Variants in CCDC117 observed in about 807,000 individuals in gnomAD.
CCDC117 encodes coiled-coil domain-containing protein 117.
In CCDC117, 1 loss-of-function variant was observed where a neutral mutation model predicts 23.5. That is an observed-to-expected ratio of 0.04 (90% CI 0.02 to 0.20). CCDC117 has a LOEUF of 0.20. CCDC117 is among the 10% of genes least tolerant of loss of function. CCDC117 has a pLI of 1.00. For missense variants in CCDC117, 383 were observed against 348.2 expected (o/e 1.10, Z -0.80); for synonymous variants, 132 against 124.8 (o/e 1.06, Z -0.39).
Position 28,783,546 on chromosome 22 carries a change from A to G in CCDC117, c.503A>G (p.Asn168Ser), listed in dbSNP as rs1421736500. The G allele has an allele frequency of 1.2e-6, 2 of 1,613,760 alleles. No individual in the cohort carries two copies. Among genetic ancestry groups the G allele is most frequent in the Non-Finnish European group, 1.7e-6 (2 of 1,179,896 alleles). The change falls in exon 4 of 5, where the codon AAT (asparagine) becomes AGT (serine). Residue 168 changes from asparagine to serine, a missense_variant. Coordinates refer to ENST00000249064, the MANE Select transcript of CCDC117 (RefSeq NM_173510.4). The stretch of plus-strand genomic sequence containing the variant: ...GATGAAGAAGTTGAAGCTGACAGAA[A>G]TGTTAACCATCTCCCCAGTCTTGTC... ...DEDEEVEADRNVNHLPSLVLS... is the reference protein window; with the variant it reads ...DEDEEVEADRSVNHLPSLVLS...
At chr22:28,782,623 A>C (rs1013575544) in intron 3 of CCDC117, among the ~76,000 whole-genome samples, 4 of 151,636 alleles carry the variant, frequency 2.6e-5, no homozygotes, top group Admixed American at 6.6e-5. Context: ...ATTTTTAGTA[A>C]AGATGGGGTT....
At chr22:28,777,275 C>G (rs549105889) in intron 2 of CCDC117, among the ~76,000 whole-genome samples, 1 of 151,594 alleles carries the variant, frequency 6.6e-6, no homozygotes, top group Non-Finnish European at 1.5e-5. Flanking sequence ...TTCGCTCGCC[C>G]GCTGGCCCTG....
intron 4 of CCDC117, among the ~76,000 whole-genome samples, chr22:28,785,835 ATTGC>A (rs1232019607): frequency 6.6e-6 from 1 of 151,224 alleles, no homozygotes; most frequent in Non-Finnish European, 1.5e-5. Flanking sequence ...AAGTGGGTAG[ATTGC>A]TTGACCCCAG....
Position 28,772,933 on chromosome 22 carries a change from C to T in CCDC117, c.84C>T (p.Pro28=), listed in dbSNP as rs1375405566. Residue 28 remains proline, a synonymous_variant, in exon 1 of 5, where the codon CCC becomes CCT. Transcript: ENST00000249064. ...DFLQPPQPAF[P]GRAFPPGADG... Reference sequence around the variant, plus strand: ...TGCAGCCGCCGCAGCCGGCCTTCCCCGGCCGGGCCTTCCCGCCGGGGGCTG... The same window carrying T: ...TGCAGCCGCCGCAGCCGGCCTTCCCTGGCCGGGCCTTCCCGCCGGGGGCTG... 8.2e-7 allele frequency: 1 copy of T among 1,221,740 alleles called. No individual in the cohort carries two copies. Among genetic ancestry groups the T allele is most frequent in the Non-Finnish European group, 1.0e-6 (1 of 981,274 alleles). 75.7% of individuals were successfully genotyped at this position (1,221,740 alleles called of 1,614,324 possible). A position where few individuals can be genotyped will look rare whatever the true frequency, so the allele number is the denominator to read the frequency against.
At position 28,772,918 on chromosome 22, in the gene CCDC117, G is replaced by A. The variant is rs1041119219; in HGVS notation, c.69G>A (p.Pro23=). The part of the protein sequence containing the change: ...LSGGSDFLQP[P]QPAFPGRAFP... ...GCGGCTCGGACTTCCTGCAGCCGCC[G>A]CAGCCGGCCTTCCCCGGCCGGGCCT... The change falls in exon 1 of 5, where the codon CCG becomes CCA. Residue 23 remains proline (P), a synonymous_variant. Coordinates refer to ENST00000249064, the MANE Select transcript of CCDC117 (RefSeq NM_173510.4). The A allele has an allele frequency of 7.3e-6, 9 of 1,227,420 alleles. No individual in the cohort carries two copies. In the African/African-American group the frequency reaches 9.4e-5, roughly 13 times the overall value. The allele number at this position is 1,227,420 out of a possible 1,614,324, so 76.0% of individuals were successfully genotyped here.
rs1257064572 is a variant in CCDC117 at position 28,788,597 on chromosome 22, CATG to C, written c.*2274_*2276del. The C allele has an allele frequency of 3.9e-5, 6 of 152,782 alleles. No individual in the cohort carries two copies. The highest frequency in any genetic ancestry group is 1.9e-4 in the East Asian group (1 of 5,190). 9.5% of individuals were successfully genotyped at this position (152,782 alleles called of 1,614,324 possible). Reference sequence around the variant, plus strand: ...TTATTTCAGTAGTCAAGTTACCTGACATGATAATTATTTCTGCAGGATAATTGA... The same window carrying C: ...TTATTTCAGTAGTCAAGTTACCTGACATAATTATTTCTGCAGGATAATTGA... On this transcript the variant is annotated 3_prime_UTR_variant, in exon 5 of 5. Transcript: ENST00000249064.
rs1034307931 is a variant in CCDC117 at position 28,773,047 on chromosome 22, TCGGGCGCAGGGCGCAGGG to T, written c.185+20_185+37del. ...CGGCGCGCGGACGGTGAGGAGCCCG[TCGGGCGCAGGGCGCAGGG>T]CGGGCGGGCGGGCGGGCAGGCTGGG... On this transcript the variant is annotated intron_variant, in intron 1 of 4. Transcript: ENST00000249064. 1.0e-6 allele frequency: 1 copy of T among 978,684 alleles called. No individual in the cohort carries two copies. The highest frequency in any genetic ancestry group is 1.3e-6 in the Non-Finnish European group (1 of 791,270). The allele number at this position is 978,684 out of a possible 1,614,324, so 60.6% of individuals were successfully genotyped here.
In CCDC117 at chr22:28,786,625, A is replaced by G. The variant is rs2031519396; in HGVS notation, c.*299A>G. ...TATGTGTAAGGGTGACTTAAATCAT[A>G]TGTCACATTGTCTAAACTATTCAGA... On this transcript the variant is annotated 3_prime_UTR_variant, in exon 5 of 5. Transcript: ENST00000249064. The G allele has an allele frequency of 7.0e-6, 2 of 284,216 alleles. No homozygotes were observed. Among genetic ancestry groups the G allele is most frequent in the Non-Finnish European group, 1.3e-5 (2 of 149,920 alleles). 17.6% of individuals were successfully genotyped at this position (284,216 alleles called of 1,614,324 possible).
chr22:28,774,828 G>C (rs1319045933), intron 2 of CCDC117, among the ~76,000 whole-genome samples: 1 of 151,824 alleles, frequency 6.6e-6, no homozygotes, highest in Non-Finnish European at 1.5e-5. Flanking sequence ...CATTCTGTCA[G>C]GCTGGAGTGC....
At chr22:28,783,705 A>G (rs915278273) in intron 4 of CCDC117, 60 bp downstream of exon 4, 8 of 1,513,066 alleles carry the variant, frequency 5.3e-6, no homozygotes, top group African/African-American at 2.7e-5. Context: ...CCCAATGTCT[A>G]GATTCTGCCC....
intron 3 of CCDC117, among the ~76,000 whole-genome samples, chr22:28,782,475 G>A (rs528730862): frequency 6.6e-6 from 1 of 151,790 alleles, no homozygotes; most frequent in Non-Finnish European, 1.5e-5. Context: ...GTCTCGCTCT[G>A]TTGCTCAGGC....
chr22:28,772,804 C>T lies in CCDC117; in HGVS notation c.-46C>T. The T allele has an allele frequency of 8.2e-7, 1 of 1,216,024 alleles. No individual in the cohort carries two copies. The highest frequency in any genetic ancestry group is 1.0e-6 in the Non-Finnish European group (1 of 976,996). 75.3% of individuals were successfully genotyped at this position (1,216,024 alleles called of 1,614,324 possible). On this transcript the variant is annotated 5_prime_UTR_variant, in exon 1 of 5. It adds an upstream start codon to the 5' untranslated region. Transcript: ENST00000249064. ...TGGCTGCGGCTGCCGGGCCTGGGGACGCGGGCGGCCGAGGCCGCCGTCGCA... is the reference window on the plus strand; with the variant it reads ...TGGCTGCGGCTGCCGGGCCTGGGGATGCGGGCGGCCGAGGCCGCCGTCGCA...
chr22:28,785,763 A>G (rs1461095405), intron 4 of CCDC117, among the ~76,000 whole-genome samples: 2 of 152,032 alleles, frequency 1.3e-5, no homozygotes, highest in African/African-American at 2.4e-5. Flanking sequence ...GGGCCTTTCT[A>G]AAGATCAGTT....
chr22:28,777,543 C>T, intron 2 of CCDC117, among the ~76,000 whole-genome samples: 1 of 143,840 alleles, frequency 7.0e-6, no homozygotes, highest in Admixed American at 7.1e-5. Context: ...TGGACTCTTG[C>T]TCTGCCACCA....
chr22:28,782,060 C>G (rs2031356924), intron 3 of CCDC117, among the ~76,000 whole-genome samples: 1 of 151,654 alleles, frequency 6.6e-6, no homozygotes, highest in African/African-American at 2.4e-5. Context: ...CCCTCAGCCT[C>G]CCAAGTGGCT....
chr22:28,784,936 G>T (rs1243169211), intron 4 of CCDC117, among the ~76,000 whole-genome samples: 3 of 151,312 alleles, frequency 2.0e-5, no homozygotes, highest in Admixed American at 6.6e-5. Context: ...TGCCCGGCTA[G>T]TTTTTTGTAT....
chr22:28,783,437 GTCCAAATACTAGAATATAT>G, intron 3 of CCDC117, 52 bp from the exon 4 acceptor site: 1 of 1,442,974 alleles, frequency 6.9e-7, no homozygotes. Flanking sequence ...TTAAAATTTT[GTCCAAATACTAGAATATAT>G]AATAGCTTGA....
rs2031575448 is a variant in CCDC117 at position 28,788,271 on chromosome 22, A to C, written c.*1945A>C. On this transcript the variant is annotated 3_prime_UTR_variant, in exon 5 of 5. Transcript: ENST00000249064. ...CTTGTAGTCATTGTTTGATGGGACCAACTTGTAAAGTATGAGCCTTAAATA... is the reference window on the plus strand; with the variant it reads ...CTTGTAGTCATTGTTTGATGGGACCCACTTGTAAAGTATGAGCCTTAAATA... 6.5e-6 allele frequency: 1 copy of C among 152,676 alleles called. No individual in the cohort carries two copies. The highest frequency in any genetic ancestry group is 6.5e-5 in the Admixed American group (1 of 15,274). 9.5% of individuals were successfully genotyped at this position (152,676 alleles called of 1,614,324 possible).
At chr22:28,780,817 T>C in intron 2 of CCDC117, 131 bp from the exon 3 acceptor site, 1 of 642,456 alleles carries the variant, frequency 1.6e-6, no homozygotes. Context: ...CGCAGTATTT[T>C]CCATCTTGTT....
Sources: allele counts gnomAD v4.1 joint callset (sites outside exome capture counted in the v4.1 genomes callset), GRCh38; gene constraint gnomAD v4.1.1; transcripts MANE v1.5; gene names NCBI Gene and HGNC (gene_info 2026-07-23, HGNC 2026-07-21).